FAS: variants seen among roughly 807,000 people sequenced by gnomAD.
The protein encoded by FAS is Fas cell surface death receptor, also known as tumor necrosis factor receptor superfamily member 6.
FAS carries 5 observed loss-of-function variants against 33.2 expected under a neutral mutation model. The ratio of observed to expected loss-of-function variants is 0.15; its 90% CI spans 0.08 to 0.32. FAS has a LOEUF of 0.32. FAS is among the 10% of genes least tolerant of loss of function. The pLI is 1.00. For synonymous variants in FAS, 131 were observed against 130.7 expected (o/e 1.00, Z -0.01); for missense variants, 339 against 386.0 (o/e 0.88, Z 1.02).
intron 2 of FAS, chr10:88,973,601 T>C (rs987823099): frequency 3.8e-5 from 9 of 239,894 alleles, no homozygotes; most frequent in African/African-American, 1.8e-4. Flanking sequence ...ACATAGACCA[T>C]TCATTCTTCA....
chr10:88,981,534 G>A (rs1438588673), intron 2 of FAS, among the ~76,000 whole-genome samples: 5 of 152,120 alleles, frequency 3.3e-5, no homozygotes, highest in African/African-American at 1.2e-4. Flanking sequence ...AAATTGAAGA[G>A]GTATGATCCT....
At chr10:88,986,168 G>A (rs571364057), upstream of FAS, among the ~76,000 whole-genome samples, 2 of 152,272 alleles carry the variant, frequency 1.3e-5, no homozygotes, top group African/African-American at 4.8e-5. Context: ...ATTGCCTTAA[G>A]CTAAGCCCAC....
intron 1 of FAS, among the ~76,000 whole-genome samples, chr10:88,964,727 C>T (rs1050459584): frequency 2.0e-5 from 3 of 152,154 alleles, no homozygotes; most frequent in African/African-American, 7.2e-5. Context: ...GTGGCATATT[C>T]AGCTACCCTT....
At chr10:88,966,312 C>T (rs933196026) in intron 1 of FAS, among the ~76,000 whole-genome samples, 1 of 152,116 alleles carries the variant, frequency 6.6e-6, no homozygotes, top group Non-Finnish European at 1.5e-5. Context: ...GAATGGAGAG[C>T]AGATTTATAG....
At chr10:88,991,105 G>C in intron 1 of FAS, 199 bp downstream of exon 1, 1 of 665,562 alleles carries the variant, frequency 1.5e-6, no homozygotes, top group Non-Finnish European at 2.6e-6. Flanking sequence ...CGGGTGCTCA[G>C]AACGCTGGAG....
chr10:89,015,585 T>A lies in FAS; in HGVS notation c.*1135T>A, dbSNP rs1487247929. The A allele has an allele frequency of 3.9e-6, 2 of 513,770 alleles. No homozygotes were observed. Among genetic ancestry groups the A allele is most frequent in the Non-Finnish European group, 7.4e-6 (2 of 268,606 alleles). The allele number at this position is 513,770 out of a possible 1,614,324, so 31.8% of individuals were successfully genotyped here. A position where few individuals can be genotyped will look rare whatever the true frequency, so the allele number is the denominator to read the frequency against. Reference sequence around the variant, plus strand: ...CTTACTACTATCCTACGTTTAAATATCTTTGAAAGTTTGTATTAAATGTGA... The same window carrying A: ...CTTACTACTATCCTACGTTTAAATAACTTTGAAAGTTTGTATTAAATGTGA... On this transcript the variant is annotated 3_prime_UTR_variant, in exon 9 of 9. Coordinates refer to ENST00000652046, the MANE Select transcript of FAS (RefSeq NM_000043.6).
chr10:89,012,838 A>G (rs1289731587), intron 7 of FAS: 1 of 154,416 alleles, frequency 6.5e-6, no homozygotes, highest in African/African-American at 2.4e-5. Context: ...CATGGTATCA[A>G]TATATTTCAG....
chr10:88,998,876 C>T (rs548820598), intron 1 of FAS, among the ~76,000 whole-genome samples: 1 of 152,268 alleles, frequency 6.6e-6, no homozygotes, highest in African/African-American at 2.4e-5. Context: ...AAAAATTCGG[C>T]CGGGCATGGT....
chr10:89,008,988 C>T lies in FAS; in HGVS notation c.434C>T (p.Pro145Leu). Reference sequence around the variant, plus strand: ...TCTACTGTATGTGAACACTGTGACCCTTGCACCAAGTAAGTTTTAGTCTTT... The same window carrying T: ...TCTACTGTATGTGAACACTGTGACCTTTGCACCAAGTAAGTTTTAGTCTTT... ...CNSTVCEHCD[P>L]CTKCEHGIIK... is the part of the protein sequence containing the mutation. The change falls in exon 4 of 9, where the codon CCT (proline) becomes CTT (leucine). Residue 145 changes from proline to leucine, a missense_variant. This residue lies in a region of FAS where 276 missense variants were observed against 300.1 expected (regional missense o/e 0.92). Transcript: ENST00000652046. The T allele has an allele frequency of 6.2e-7, 1 of 1,612,850 alleles. No homozygotes were observed. The highest frequency in any genetic ancestry group is 8.5e-7 in the Non-Finnish European group (1 of 1,178,844).
intron 7 of FAS, chr10:89,012,859 A>G (rs1487605791): frequency 6.5e-6 from 1 of 154,220 alleles, no homozygotes; most frequent in Non-Finnish European, 1.4e-5. Flanking sequence ...ATAGCAAGAA[A>G]TACACCGAGA....
At chr10:88,984,851 C>G (rs77128577), upstream of FAS, among the ~76,000 whole-genome samples, 211 of 152,298 alleles carry the variant, frequency 1.4e-3, no homozygotes, top group African/African-American at 4.7e-3. Flanking sequence ...AGAGCCTGAT[C>G]TGATGATTCC....
chr10:88,983,209 G>A (rs1359605463), upstream of FAS, among the ~76,000 whole-genome samples: 1 of 152,136 alleles, frequency 6.6e-6, no homozygotes, highest in Non-Finnish European at 1.5e-5. Flanking sequence ...ATTCTTAGAG[G>A]AGTGAACATA....
upstream of FAS, among the ~76,000 whole-genome samples, chr10:88,988,283 T>G (rs1039697892): frequency 5.3e-5 from 8 of 152,214 alleles, no homozygotes; most frequent in African/African-American, 1.9e-4. Flanking sequence ...CAGTCATGGA[T>G]ATACACTATA....
intron 1 of FAS, among the ~76,000 whole-genome samples, chr10:88,994,918 C>A (rs190071363): frequency 2.4e-4 from 37 of 151,186 alleles, no homozygotes; most frequent in Non-Finnish European, 4.6e-4. Context: ...TTTCTTGTTA[C>A]TAAAAAATTA....
At chr10:88,989,271 T>C (rs1847024847), upstream of FAS, among the ~76,000 whole-genome samples, 1 of 152,174 alleles carries the variant, frequency 6.6e-6, no homozygotes, top group Non-Finnish European at 1.5e-5. Context: ...TTTTTCTCTC[T>C]TCCCTCCTTC....
intron 6 of FAS, among the ~76,000 whole-genome samples, chr10:89,011,693 T>C (rs1848536968): frequency 6.6e-6 from 1 of 152,204 alleles, no homozygotes; most frequent in South Asian, 2.1e-4. Flanking sequence ...CCTGCCATAG[T>C]CTTGCCGTCC....
upstream of FAS, among the ~76,000 whole-genome samples, chr10:88,988,418 T>G (rs1245469950): frequency 1.9e-4 from 1 of 5,402 alleles, no homozygotes; most frequent in African/African-American, 1.7e-3. Flanking sequence ...ATGTAGAAGT[T>G]TTTTTTTTTT....
intron 1 of FAS, among the ~76,000 whole-genome samples, chr10:88,999,192 T>TAAAAAA (rs60942893): frequency 1.4e-5 from 2 of 147,220 alleles, no homozygotes; most frequent in South Asian, 2.1e-4. Flanking sequence ...TAAAATAAAA[T>TAAAAAA]AAAATCTCAC....
At chr10:89,010,959 G>A (rs1389110010) in intron 6 of FAS, 144 bp downstream of exon 6, 1 of 906,624 alleles carries the variant, frequency 1.1e-6, no homozygotes, top group Admixed American at 1.8e-5. Context: ...GCAGCCTTGA[G>A]AGCTGACTGA....
Sources: gnomAD v4.1 joint callset for allele counts (sites outside exome capture counted in the v4.1 genomes callset) on GRCh38, gnomAD v4.1.1 for gene constraint, gnomAD v4.1.1 regional missense constraint, MANE v1.5 for transcripts, NCBI Gene and HGNC (gene_info 2026-07-23, HGNC 2026-07-21) for gene names.